RBM22: variants seen among roughly 807,000 people sequenced by gnomAD.
The protein encoded by RBM22 is pre-mRNA-splicing factor RBM22.
In RBM22, 1 loss-of-function variant was observed where a neutral mutation model predicts 50.1. The ratio of observed to expected loss-of-function variants is 0.02; its 90% CI spans 0.01 to 0.09. The LOEUF (loss-of-function observed/expected upper bound fraction) is 0.09. Among genes scored for constraint, RBM22 ranks in the 10% least tolerant of loss-of-function variants. RBM22 has a pLI of 1.00. For missense variants in RBM22, 264 were observed against 529.3 expected (o/e 0.50, Z 4.92); for synonymous variants, 152 against 179.0 (o/e 0.85, Z 1.20).
chr5:150,695,587 C>T lies in RBM22; in HGVS notation c.665G>A (p.Arg222Gln), dbSNP rs1759265921. The T allele has an allele frequency of 6.2e-7, 1 of 1,613,692 alleles. No individual in the cohort carries two copies. Among genetic ancestry groups the T allele is most frequent in the Non-Finnish European group, 8.5e-7 (1 of 1,179,888 alleles). Reference sequence around the variant, plus strand: ...AGTTTTATCCTCTGGTGGGTCCAGCCGAGGCATTGTTGAAGCCCGCTTTAG... The same window carrying T: ...AGTTTTATCCTCTGGTGGGTCCAGCTGAGGCATTGTTGAAGCCCGCTTTAG... ...KLLKRASTMP[R>Q]LDPPEDKTIT... The change falls in exon 7 of 11, where the codon CGG (arginine) becomes CAG (glutamine). Residue 222 changes from arginine (R) to glutamine (Q), a missense_variant. By Grantham distance (43) the Arg-to-Gln change is conservative (BLOSUM62 1). This residue lies in a region of RBM22 where 62 missense variants were observed against 102.6 expected (regional missense o/e 0.60). Transcript: ENST00000199814.
At chr5:150,695,889 A>G (rs1759270175) in intron 6 of RBM22, among the ~76,000 whole-genome samples, 183 bp from the exon 7 acceptor site, 1 of 149,342 alleles carries the variant, frequency 6.7e-6, no homozygotes. Flanking sequence ...GATTTACTGT[A>G]TCACGGAAGG....
chr5:150,695,763 A>C, intron 6 of RBM22, 57 bp from the exon 7 acceptor site: 1 of 1,416,518 alleles, frequency 7.1e-7, no homozygotes. Context: ...AAAAATGATT[A>C]TCTTCCAAGA....
At chr5:150,692,803 C>T (rs1759225274) in intron 10 of RBM22, 92 bp downstream of exon 10, 3 of 1,353,642 alleles carry the variant, frequency 2.2e-6, no homozygotes, top group South Asian at 1.5e-5. Context: ...AGCAAACTCA[C>T]AGGATTTGGA....
chr5:150,698,383 A>G, intron 4 of RBM22, 116 bp downstream of exon 4: 1 of 1,330,776 alleles, frequency 7.5e-7, no homozygotes, highest in Non-Finnish European at 1.0e-6. Flanking sequence ...AGACCACGGC[A>G]GACATTCCAA....
rs1435150256 is a variant in RBM22 at position 150,696,860 on chromosome 5, C to A, written c.303G>T (p.Leu101Phe). The A allele has an allele frequency of 6.2e-7, 1 of 1,614,150 alleles. No homozygotes were observed. The highest frequency in any genetic ancestry group is 8.5e-7 in the Non-Finnish European group (1 of 1,180,018). Residue 101 changes from leucine (L) to phenylalanine (F), a missense_variant, in exon 5 of 11, where the codon TTG (leucine) becomes TTT (phenylalanine). This residue lies in a region of RBM22 where 44 missense variants were observed against 57.9 expected (regional missense o/e 0.76). Transcript: ENST00000199814. The surrounding 1 kb of genome is among the most constrained non-coding windows in gnomAD (Gnocchi z 4.3). Reference protein sequence around the residue: ...GLPIQVRDAGLSFKDDMPKSD... With the variant: ...GLPIQVRDAGFSFKDDMPKSD... Reference sequence around the variant, plus strand: ...ACTTTGGCATGTCATCTTTAAAAGACAATCCTGCGTCACGAACCTGGATGG... The same window carrying A: ...ACTTTGGCATGTCATCTTTAAAAGAAAATCCTGCGTCACGAACCTGGATGG...
At position 150,701,017 on chromosome 5, in the gene RBM22, C is replaced by T; in HGVS notation, c.-32G>A. On this transcript the variant is annotated 5_prime_UTR_variant, in exon 1 of 11. Transcript: ENST00000199814. ...AGCGTCCGGAGGTAGCTGTAGCTTC[C>T]GAATTGGGAGAGAGGACCGCCACAA... 3.1e-6 allele frequency: 5 copies of T among 1,613,720 alleles called. No individual in the cohort carries two copies. Among genetic ancestry groups the T allele is most frequent in the South Asian group, 1.1e-5 (1 of 91,078 alleles).
Position 150,696,366 on chromosome 5 carries a change from C to T in RBM22, c.545+167G>A, listed in dbSNP as rs1305357187. ...AAGGCTCAATTGTAAGTAAAAACTA[C>T]AATTTATTCATGCTCTTCTAAATTT... is the stretch of plus-strand genomic sequence containing the variant. On this transcript the variant is annotated intron_variant, in intron 6 of 10. Transcript: ENST00000199814. This position sits in a 1 kb window ranked among gnomAD's most constrained non-coding sequence, Gnocchi z 4.3. Among the ~76,000 whole-genome samples the T allele has an allele frequency of 1.3e-5, 2 of 152,180 alleles. No homozygotes were observed. The highest frequency in any genetic ancestry group is 4.8e-5 in the African/African-American group (2 of 41,446).
intron 7 of RBM22, 113 bp downstream of exon 7, chr5:150,695,393 G>A: frequency 1.1e-6 from 1 of 925,430 alleles, no homozygotes; most frequent in Admixed American, 2.6e-5. Context: ...TAACAATAGA[G>A]AGACTACAGA....
intron 3 of RBM22, 43 bp from the exon 4 acceptor site, chr5:150,698,674 TCTGGG>T (rs1561679396): frequency 2.5e-6 from 4 of 1,602,576 alleles, no homozygotes; most frequent in Non-Finnish European, 3.4e-6. Context: ...ATGGTCCTGA[TCTGGG>T]CAATCTGGAG....
chr5:150,701,062 T>C lies in RBM22; in HGVS notation c.-77A>G, dbSNP rs937064931. 6.3e-7 allele frequency: 1 copy of C among 1,594,034 alleles called. No individual in the cohort carries two copies. The highest frequency in any genetic ancestry group is 8.6e-7 in the Non-Finnish European group (1 of 1,162,778). ...CCACAATCCCGTCAAGCCCCGAGGC[T>C]AGCGCCGCGCCGGTCGGCGTCTTAT... On this transcript the variant is annotated 5_prime_UTR_variant, in exon 1 of 11. Coordinates refer to ENST00000199814, the MANE Select transcript of RBM22 (RefSeq NM_018047.3).
rs761467818 is a variant in RBM22 at position 150,696,923 on chromosome 5, A to T, written c.272-32T>A. ...CAAAAAAAGAGGAAAAAGACCTCAG[A>T]TGTATTTTAAAACATATCCATACTA... On this transcript the variant is annotated intron_variant, in intron 4 of 10. Transcript: ENST00000199814. The surrounding 1 kb of genome is among the most constrained non-coding windows in gnomAD (Gnocchi z 4.3). 33 of 1,594,640 alleles carry T rather than the reference A, an allele frequency of 2.1e-5. No homozygotes were observed. The East Asian group carries it at 7.1e-4, about 35-fold the overall frequency.
chr5:150,692,693 G>C, intron 10 of RBM22, among the ~76,000 whole-genome samples: 1 of 152,114 alleles, frequency 6.6e-6, no homozygotes, highest in Admixed American at 6.5e-5. Context: ...CATATACGCG[G>C]ATCTTTAGAA....
At chr5:150,700,296 A>C in intron 2 of RBM22, 148 bp downstream of exon 2, 1 of 717,526 alleles carries the variant, frequency 1.4e-6, no homozygotes, top group Non-Finnish European at 2.3e-6. Flanking sequence ...AAGAGAATAC[A>C]CATGACAGTT....
intron 2 of RBM22, 106 bp from the exon 3 acceptor site, chr5:150,699,377 G>A: frequency 7.1e-7 from 1 of 1,410,706 alleles, no homozygotes; most frequent in South Asian, 1.5e-5. Flanking sequence ...GGAAATCCCT[G>A]GCATCCTAGA....
In RBM22 at chr5:150,699,293, A is replaced by G. The variant is rs759177280; in HGVS notation, c.109-22T>C. Reference sequence around the variant, plus strand: ...TGGTCTATAATAGAAAAAAAATAGAAAAGAACTGGAGTTACAGAAAGAAAA... The same window carrying G: ...TGGTCTATAATAGAAAAAAAATAGAGAAGAACTGGAGTTACAGAAAGAAAA... On this transcript the variant is annotated intron_variant, in intron 2 of 10. Transcript: ENST00000199814. 9 of 1,557,710 alleles carry G rather than the reference A, an allele frequency of 5.8e-6. No individual in the cohort carries two copies. In the South Asian group the frequency reaches 1.1e-4, roughly 19 times the overall value.
At position 150,700,935 on chromosome 5, in the gene RBM22, A is replaced by G; in HGVS notation, c.51T>C (p.Asp17=). 1 of 1,614,154 alleles carries G rather than the reference A, an allele frequency of 6.2e-7. No individual in the cohort carries two copies. Among genetic ancestry groups the G allele is most frequent in the Non-Finnish European group, 8.5e-7 (1 of 1,180,024 alleles). ...SNTYNRQNWE[D]ADFPILCQTC... ...CTCCTCCGGCAGGCACACTCACCGC[A>G]TCCTCCCAGTTCTGCCTGTTGTAGG... is the stretch of plus-strand genomic sequence containing the variant. Residue 17 remains aspartate (D), a synonymous_variant, in exon 1 of 11, where the codon GAT becomes GAC. Transcript: ENST00000199814.
At position 150,696,380 on chromosome 5, in the gene RBM22, T is replaced by A. The variant is rs1759276527; in HGVS notation, c.545+153A>T. ...AGTAAAAACTACAATTTATTCATGC[T>A]CTTCTAAATTTCATAGTTCTAAGAC... On this transcript the variant is annotated intron_variant, in intron 6 of 10. Coordinates refer to ENST00000199814, the MANE Select transcript of RBM22 (RefSeq NM_018047.3). This position sits in a 1 kb window ranked among gnomAD's most constrained non-coding sequence, Gnocchi z 4.3. Among the ~76,000 whole-genome samples the A allele has an allele frequency of 6.6e-6, 1 of 152,236 alleles. No individual in the cohort carries two copies.
In RBM22 at chr5:150,696,535, G is replaced by A; in HGVS notation, c.543C>T (p.Tyr181=). The A allele has an allele frequency of 5.6e-6, 9 of 1,612,466 alleles. No individual in the cohort carries two copies. Among genetic ancestry groups the A allele is most frequent in the Non-Finnish European group, 7.6e-6 (9 of 1,179,450 alleles). ...GECKRGEECP[Y]RHEKPTDPDD... is the part of the protein sequence containing the mutation. ...CTGAAAATGAGGCTCGCTCTTGCCT[G>A]TATGGACATTCCTCTCCTCTCTTAC... Residue 181 remains tyrosine, a splice_region_variant and synonymous_variant, in exon 6 of 11, where the codon TAC becomes TAT. Coordinates refer to ENST00000199814, the MANE Select transcript of RBM22 (RefSeq NM_018047.3). This position sits in a 1 kb window ranked among gnomAD's most constrained non-coding sequence, Gnocchi z 4.3.
Position 150,698,541 on chromosome 5 carries a change from A to G in RBM22, c.229T>C (p.Leu77=), listed in dbSNP as rs762729448. The G allele has an allele frequency of 6.2e-7, 1 of 1,614,150 alleles. No homozygotes were observed. Among genetic ancestry groups the G allele is most frequent in the South Asian group, 1.1e-5 (1 of 91,082 alleles). ...AGGCAGGTCTGACAGACATTCTTCA[A>G]TTTACTGCAGGTTTGGCACACTTCA... is the stretch of plus-strand genomic sequence containing the variant. ...KTEVCQTCSK[L]KNVCQTCLLD... is the part of the protein sequence containing the mutation. Residue 77 remains leucine (L), a synonymous_variant, in exon 4 of 11, where the codon TTG becomes CTG. Transcript: ENST00000199814.
Sources: gnomAD v4.1 joint callset for allele counts (sites outside exome capture counted in the v4.1 genomes callset) on GRCh38, gnomAD v4.1.1 for gene constraint, gnomAD v4.1.1 regional missense constraint, Gnocchi (gnomAD v3.1) non-coding constraint, MANE v1.5 for transcripts, NCBI Gene and HGNC (gene_info 2026-07-23, HGNC 2026-07-21) for gene names.